Variants in SLC2A9 observed in about 807,000 individuals in gnomAD.
The protein encoded by SLC2A9 is solute carrier family 2 member 9, also known as solute carrier family 2, facilitated glucose transporter member 9.
Under a neutral mutation model 50.6 loss-of-function variants are expected in SLC2A9, and 39 were observed. The ratio of observed to expected loss-of-function variants is 0.77; its 90% CI spans 0.60 to 1.01. SLC2A9 has a LOEUF of 1.01. SLC2A9 is among the 50% of genes least tolerant of loss of function. The pLI is 0.00. For missense variants in SLC2A9, 686 were observed against 677.6 expected (o/e 1.01, Z -0.14); for synonymous variants, 324 against 276.9 (o/e 1.17, Z -1.69).
At chr4:9,814,879 C>T (rs1403553144) in intron 3 of SLC2A9, among the ~76,000 whole-genome samples, 1 of 151,948 alleles carries the variant, frequency 6.6e-6, no homozygotes, top group Non-Finnish European at 1.5e-5. Context: ...GGGGCACAGT[C>T]CACCAAGACC....
At chr4:9,902,036 G>T (rs1240962251) in intron 8 of SLC2A9, among the ~76,000 whole-genome samples, 1 of 152,160 alleles carries the variant, frequency 6.6e-6, no homozygotes. Flanking sequence ...CCTTCGAGCT[G>T]CTCAGGTTCA....
intron 2 of SLC2A9, among the ~76,000 whole-genome samples, chr4:10,001,012 A>G (rs906972807): frequency 6.6e-6 from 1 of 152,254 alleles, no homozygotes; most frequent in Admixed American, 6.5e-5. Context: ...TAACTCCCCA[A>G]ACCTCAGAAT....
At chr4:9,888,405 T>C (rs1378487335) in intron 9 of SLC2A9, among the ~76,000 whole-genome samples, 1 of 152,028 alleles carries the variant, frequency 6.6e-6, no homozygotes, top group Non-Finnish European at 1.5e-5. Flanking sequence ...CCCTGCCATC[T>C]TGCAAGGTGT....
At chr4:9,839,906 T>A (rs1247678953) in intron 10 of SLC2A9, among the ~76,000 whole-genome samples, 1 of 152,106 alleles carries the variant, frequency 6.6e-6, no homozygotes, top group East Asian at 1.9e-4. Flanking sequence ...GATGAAATAA[T>A]CTGCATAACA....
downstream of SLC2A9, among the ~76,000 whole-genome samples, chr4:9,779,416 C>CT (rs926013681): frequency 0.03 from 4,107 of 138,626 alleles, 152 homozygotes; most frequent in African/African-American, 0.085. Flanking sequence ...AGACTTTAAA[C>CT]TTTTTTTTTT....
chr4:9,880,108 G>C (rs1278566661), intron 10 of SLC2A9: 1 of 985,276 alleles, frequency 1.0e-6, no homozygotes, highest in East Asian at 1.1e-4. Context: ...ACTTTCCCGG[G>C]TGGCTCCCCT....
At chr4:9,823,440 G>T (rs1724683321), downstream of SLC2A9, among the ~76,000 whole-genome samples, 2 of 151,912 alleles carry the variant, frequency 1.3e-5, no homozygotes, top group African/African-American at 4.8e-5. Context: ...ACTTTTTTTT[G>T]TGTCACATGT....
In SLC2A9 at chr4:9,980,625, C is replaced by T. The variant is rs2109086423; in HGVS notation, c.648G>A (p.Gly216=). 6.2e-7 allele frequency: 1 copy of T among 1,614,192 alleles called. No individual in the cohort carries two copies. The highest frequency in any genetic ancestry group is 8.5e-7 in the Non-Finnish European group (1 of 1,180,034). The change falls in exon 5 of 12, where the codon GGG becomes GGA. Residue 216 remains glycine (G), a synonymous_variant. Coordinates refer to ENST00000264784, the MANE Select transcript of SLC2A9 (RefSeq NM_020041.3). ...GCAGCTCGGGCAGGCCCAGAAGCTG[C>T]CCAGTGAACACGCCAATGCAGATAA... ...AIFICIGVFT[G]QLLGLPELLG...
intron 1 of SLC2A9, among the ~76,000 whole-genome samples, chr4:10,030,706 C>T (rs1270498470): frequency 6.6e-6 from 1 of 152,194 alleles, no homozygotes; most frequent in Non-Finnish European, 1.5e-5. Flanking sequence ...TCCTGGCTTT[C>T]GTGTTTTGAG....
intron 3 of SLC2A9, chr4:9,783,028 C>G (rs531062059): frequency 1.9e-6 from 3 of 1,614,120 alleles, no homozygotes; most frequent in Non-Finnish European, 2.5e-6. Flanking sequence ...CGGCCGGCTT[C>G]CCCTGCGTCA....
chr4:9,777,371 G>A (rs945582352), downstream of SLC2A9, among the ~76,000 whole-genome samples: 7 of 151,060 alleles, frequency 4.6e-5, no homozygotes, highest in Non-Finnish European at 8.8e-5. Flanking sequence ...CTTGAAGAGA[G>A]CCCTTTCTTG....
chr4:9,896,947 C>T (rs1738664755), intron 8 of SLC2A9, among the ~76,000 whole-genome samples: 2 of 152,180 alleles, frequency 1.3e-5, no homozygotes, highest in Admixed American at 1.3e-4. Context: ...CATGTTTGAA[C>T]ATTGTTACAA....
chr4:9,859,105 C>G (rs1731202902), intron 10 of SLC2A9, among the ~76,000 whole-genome samples: 1 of 152,232 alleles, frequency 6.6e-6, no homozygotes, highest in Non-Finnish European at 1.5e-5. Flanking sequence ...TGGACTTGAA[C>G]TGATCCACCA....
chr4:10,006,270 C>G (rs1760754762), intron 2 of SLC2A9, among the ~76,000 whole-genome samples: 1 of 152,174 alleles, frequency 6.6e-6, no homozygotes, highest in Non-Finnish European at 1.5e-5. Flanking sequence ...AGGCAAATTA[C>G]CTCGTAGCCC....
intron 10 of SLC2A9, among the ~76,000 whole-genome samples, chr4:9,866,916 C>T (rs993524377): frequency 6.6e-6 from 1 of 152,236 alleles, no homozygotes; most frequent in Non-Finnish European, 1.5e-5. Context: ...CTCCCCACTT[C>T]ATGTTGGCTG....
intron 7 of SLC2A9, among the ~76,000 whole-genome samples, 187 bp downstream of exon 7, chr4:9,920,198 T>C (rs183317769): frequency 1.0e-4 from 16 of 152,382 alleles, no homozygotes; most frequent in Admixed American, 6.5e-4. Flanking sequence ...TTCCATATTA[T>C]GTGATCCCAT....
At chr4:9,888,259 A>C (rs1166856886) in intron 9 of SLC2A9, among the ~76,000 whole-genome samples, 1 of 128,690 alleles carries the variant, frequency 7.8e-6, no homozygotes, top group Non-Finnish European at 1.5e-5. Context: ...CCAGAACTTA[A>C]AGTATATATA....
chr4:9,886,453 TG>T (rs1270988625), intron 10 of SLC2A9, among the ~76,000 whole-genome samples: 1 of 150,786 alleles, frequency 6.6e-6, no homozygotes, highest in Non-Finnish European at 1.5e-5. Context: ...TGTGTGTGTG[TG>T]TGTGTGTGTG....
chr4:9,947,731 C>T lies in SLC2A9; in HGVS notation c.682-5686G>A, dbSNP rs139007297. ...CTCTGAGCCAACATTTCCCCTCCCA[C>T]AGGCCACTCCAGAGCCAGGTATCAG... is the stretch of plus-strand genomic sequence containing the variant. On this transcript the variant is annotated intron_variant, in intron 5 of 11. Transcript: ENST00000264784. 8.5e-3 allele frequency among the ~76,000 whole-genome samples: 1,292 copies of T among 152,316 alleles called. 6 individuals are homozygous for T. The highest frequency in any genetic ancestry group is 0.034 in the Middle Eastern group (10 of 294).
Sources: allele counts gnomAD v4.1 joint callset (sites outside exome capture counted in the v4.1 genomes callset), GRCh38; gene constraint gnomAD v4.1.1; transcripts MANE v1.5; gene names NCBI Gene and HGNC (gene_info 2026-07-23, HGNC 2026-07-21).